SLC26A7: variants seen among roughly 807,000 people sequenced by gnomAD.
SLC26A7 encodes the protein anion exchange transporter.
SLC26A7 carries 59 observed loss-of-function variants against 82.5 expected under a neutral mutation model. That is an observed-to-expected ratio of 0.72 (90% CI 0.58 to 0.89). The LOEUF (loss-of-function observed/expected upper bound fraction) is 0.89, where lower values mean the gene tolerates loss of function less well. Ranked by LOEUF, SLC26A7 falls within the 40% of genes least tolerant of loss-of-function variation. The pLI, the probability that SLC26A7 is intolerant of heterozygous loss-of-function variation, is 0.00. For synonymous variants in SLC26A7, 271 were observed against 274.3 expected (o/e 0.99, Z 0.12); for missense variants, 820 against 793.0 (o/e 1.03, Z -0.41).
intron 3 of SLC26A7, 26 bp from the exon 4 acceptor site, chr8:91,295,505 A>G: frequency 6.3e-7 from 1 of 1,593,560 alleles, no homozygotes; most frequent in Non-Finnish European, 8.5e-7. Flanking sequence ...TACTAATAGA[A>G]GATTCCCCAC....
intron 4 of SLC26A7, among the ~76,000 whole-genome samples, chr8:91,309,025 T>C (rs950129064): frequency 6.6e-6 from 1 of 152,178 alleles, no homozygotes; most frequent in African/African-American, 2.4e-5. Context: ...AAGATTTAGA[T>C]GGTAGGTATG....
intron 2 of SLC26A7, among the ~76,000 whole-genome samples, chr8:91,224,426 A>G (rs892822669): frequency 6.6e-6 from 1 of 152,018 alleles, no homozygotes; most frequent in Non-Finnish European, 1.5e-5. Flanking sequence ...TTTTCTTTCA[A>G]TAGTCAGGAC....
chr8:91,210,799 C>T (rs1204227759), intron 1 of SLC26A7, among the ~76,000 whole-genome samples: 1 of 129,496 alleles, frequency 7.7e-6, no homozygotes, highest in African/African-American at 2.9e-5. Context: ...AAAGAGAAAC[C>T]CATTAGCTAG....
rs539221522 is a variant in SLC26A7 at position 91,383,891 on chromosome 8, A to T, written c.1676-5447A>T. ...CACTCAGTTAATCTTTCTTGTACAT[A>T]TTGAACATCTAATAAATCCTGGGCA... On this transcript the variant is annotated intron_variant, in intron 15 of 18. Transcript: ENST00000276609. Among the ~76,000 whole-genome samples, 4 of 152,320 alleles carry T rather than the reference A, an allele frequency of 2.6e-5. No individual in the cohort carries two copies. In the South Asian group the frequency reaches 8.3e-4, roughly 32 times the overall value.
At chr8:91,336,020 C>T (rs191714854) in intron 6 of SLC26A7, among the ~76,000 whole-genome samples, 2 of 152,266 alleles carry the variant, frequency 1.3e-5, no homozygotes, top group African/African-American at 4.8e-5. Context: ...TCCATCACCA[C>T]TACGACTGTC....
At chr8:91,343,232 C>A in intron 8 of SLC26A7, 121 bp from the exon 9 acceptor site, 1 of 624,164 alleles carries the variant, frequency 1.6e-6, no homozygotes. Context: ...TGTTAAATCC[C>A]AACTGGTGGG....
At chr8:91,257,832 C>T (rs1050629122) in intron 2 of SLC26A7, among the ~76,000 whole-genome samples, 2 of 151,930 alleles carry the variant, frequency 1.3e-5, no homozygotes, top group South Asian at 4.2e-4. Context: ...TCTCACGCTG[C>T]TATGAAGAAA....
In SLC26A7 at chr8:91,289,243, A is replaced by G. The variant is rs763137544; in HGVS notation, c.301A>G (p.Thr101Ala). Residue 101 changes from threonine (T) to alanine (A), a missense_variant, in exon 3 of 19, where the codon ACA (threonine) becomes GCA (alanine). Coordinates refer to ENST00000276609, the MANE Select transcript of SLC26A7 (RefSeq NM_052832.4). Reference sequence around the variant, plus strand: ...ATTTGGAATGGGACATCATGTTGCCACAGGTAATAATTCCTATGTTTATGC... The same window carrying G: ...ATTTGGAATGGGACATCATGTTGCCGCAGGTAATAATTCCTATGTTTATGC... The part of the protein sequence containing the change: ...AIFGMGHHVA[T>A]GTFALTSLIS... 4 of 1,604,682 alleles carry G rather than the reference A, an allele frequency of 2.5e-6. No homozygotes were observed. In the Admixed American group the frequency reaches 6.7e-5, roughly 27 times the overall value.
chr8:91,340,667 G>T, intron 8 of SLC26A7, 116 bp downstream of exon 8: 1 of 1,248,894 alleles, frequency 8.0e-7, no homozygotes. Context: ...TACAGCAAGA[G>T]TGGGTTGAAC....
intron 2 of SLC26A7, among the ~76,000 whole-genome samples, chr8:91,225,239 C>G (rs566655688): frequency 1.3e-5 from 2 of 152,190 alleles, no homozygotes; most frequent in Non-Finnish European, 2.9e-5. Context: ...TGAACAGATT[C>G]CAGCTGAGAG....
intron 2 of SLC26A7, among the ~76,000 whole-genome samples, chr8:91,264,773 A>G (rs1317727490): frequency 1.3e-5 from 2 of 152,022 alleles, no homozygotes; most frequent in Non-Finnish European, 2.9e-5. Context: ...TAATTGACAC[A>G]TAATTGTACA....
At chr8:91,241,619 T>A (rs1227891493) in intron 2 of SLC26A7, among the ~76,000 whole-genome samples, 2 of 152,162 alleles carry the variant, frequency 1.3e-5, no homozygotes, top group Admixed American at 1.3e-4. Context: ...AAAGTTGAGT[T>A]TTAATTTCTA....
intron 2 of SLC26A7, among the ~76,000 whole-genome samples, chr8:91,252,222 T>G (rs1188586871): frequency 1.3e-5 from 2 of 152,126 alleles, no homozygotes; most frequent in African/African-American, 2.4e-5. Flanking sequence ...TTTCTTGACC[T>G]ACAAAGATAG....
intron 2 of SLC26A7, among the ~76,000 whole-genome samples, chr8:91,237,419 G>A (rs1239825787): frequency 1.3e-5 from 2 of 152,092 alleles, no homozygotes; most frequent in African/African-American, 4.8e-5. Context: ...TTAAGTTGGG[G>A]CAGTTTAACA....
chr8:91,318,845 G>A (rs1356787303), intron 5 of SLC26A7, among the ~76,000 whole-genome samples: 1 of 152,146 alleles, frequency 6.6e-6, no homozygotes, highest in Non-Finnish European at 1.5e-5. Flanking sequence ...ACCCAAGAAA[G>A]AGAGTAGCAC....
At chr8:91,357,957 A>G (rs2130863876) in intron 11 of SLC26A7, among the ~76,000 whole-genome samples, 1 of 152,368 alleles carries the variant, frequency 6.6e-6, no homozygotes, top group African/African-American at 2.4e-5. Context: ...AAGGACATGA[A>G]TAGACACTTC....
intron 4 of SLC26A7, 97 bp downstream of exon 4, chr8:91,295,800 T>C: frequency 7.9e-7 from 1 of 1,261,830 alleles, no homozygotes; most frequent in East Asian, 2.4e-5. Flanking sequence ...GAATTTGTCT[T>C]TATAGGTGGA....
At position 91,334,278 on chromosome 8, in the gene SLC26A7, T is replaced by C. The variant is rs746641459; in HGVS notation, c.643-17T>C. ...GGTGACCCTGAATTTTGTTTGTATT[T>C]TTTCTCATTACTGTAGATTTATGCA... On this transcript the variant is annotated splice_polypyrimidine_tract_variant and intron_variant, in intron 5 of 18. Transcript: ENST00000276609. 5.0e-6 allele frequency: 8 copies of C among 1,596,234 alleles called. No homozygotes were observed. Among genetic ancestry groups the C allele is most frequent in the Non-Finnish European group, 6.8e-6 (8 of 1,172,748 alleles).
chr8:91,374,810 C>G (rs969255339), intron 15 of SLC26A7, among the ~76,000 whole-genome samples: 1 of 152,072 alleles, frequency 6.6e-6, no homozygotes, highest in Admixed American at 6.6e-5. Flanking sequence ...AGTGATCCTT[C>G]TAGTGCTGCC....
Sources: gnomAD v4.1 joint callset for allele counts (sites outside exome capture counted in the v4.1 genomes callset) on GRCh38, gnomAD v4.1.1 for gene constraint, MANE v1.5 for transcripts, NCBI Gene and HGNC (gene_info 2026-07-23, HGNC 2026-07-21) for gene names.